CCDC138: variants seen among roughly 807,000 people sequenced by gnomAD.
CCDC138 encodes coiled-coil domain containing 138.
Under a neutral mutation model 82.3 loss-of-function variants are expected in CCDC138, and 66 were observed. The ratio of observed to expected loss-of-function variants is 0.80; its 90% confidence interval spans 0.66 to 0.98. The LOEUF (loss-of-function observed/expected upper bound fraction) is 0.98, where lower values mean the gene tolerates loss of function less well. CCDC138 is among the 50% of genes least tolerant of loss of function. The pLI, the probability that CCDC138 is intolerant of heterozygous loss-of-function variation, is 0.00. For missense variants in CCDC138, 816 were observed against 758.9 expected (o/e 1.08, Z -0.88); for synonymous variants, 297 against 265.4 (o/e 1.12, Z -1.16).
chr2:108,851,591 C>T (rs938884150), intron 12 of CCDC138, among the ~76,000 whole-genome samples: 1 of 151,552 alleles, frequency 6.6e-6, no homozygotes, highest in African/African-American at 2.4e-5. Flanking sequence ...GCGTGAGCCA[C>T]CGCGCCCGGC....
intron 13 of CCDC138, among the ~76,000 whole-genome samples, chr2:108,870,440 T>G (rs1158116965): frequency 6.6e-6 from 1 of 152,124 alleles, no homozygotes; most frequent in Non-Finnish European, 1.5e-5. Flanking sequence ...GGAAAGATAA[T>G]TTAGAGAAAT....
chr2:108,812,098 A>G (rs186375280), intron 7 of CCDC138, among the ~76,000 whole-genome samples: 1 of 152,282 alleles, frequency 6.6e-6, no homozygotes, highest in East Asian at 1.9e-4. Flanking sequence ...TCTCTACTTG[A>G]AAACTACAAA....
intron 13 of CCDC138, among the ~76,000 whole-genome samples, chr2:108,864,866 T>G (rs1245064734): frequency 6.6e-6 from 1 of 150,858 alleles, no homozygotes; most frequent in South Asian, 2.1e-4. Flanking sequence ...GAGGCTTTGG[T>G]GGGAGAATCA....
intron 12 of CCDC138, among the ~76,000 whole-genome samples, chr2:108,855,320 C>T (rs981351783): frequency 2.0e-5 from 3 of 151,946 alleles, no homozygotes; most frequent in African/African-American, 7.2e-5. Flanking sequence ...TAGTAGTCAG[C>T]CTATTTTTAA....
chr2:108,877,304 C>CAA (rs35164335), downstream of CCDC138, among the ~76,000 whole-genome samples: 160 of 149,464 alleles, frequency 1.1e-3, no homozygotes, highest in South Asian at 9.6e-3. Flanking sequence ...CCCGTCTCTA[C>CAA]AAAAAAAAAC....
At chr2:108,819,503 C>T (rs1163774561) in intron 10 of CCDC138, among the ~76,000 whole-genome samples, 6 of 152,122 alleles carry the variant, frequency 3.9e-5, no homozygotes, top group Non-Finnish European at 5.9e-5. Flanking sequence ...GTAAGAGCTG[C>T]GGAGATCTGC....
intron 1 of CCDC138, 67 bp from the exon 2 acceptor site, chr2:108,787,965 G>T: frequency 1.6e-6 from 2 of 1,267,950 alleles, no homozygotes; most frequent in East Asian, 2.7e-5. Flanking sequence ...ATAATTTGTG[G>T]GGAAATATTT....
In CCDC138 at chr2:108,849,182, GA is replaced by G. The variant is rs1338671942; in HGVS notation, c.1516+2260del. Among the ~76,000 whole-genome samples, 7 of 151,824 alleles carry G rather than the reference GA, an allele frequency of 4.6e-5. No individual in the cohort carries two copies. The East Asian group carries it at 1.4e-3, about 29-fold the overall frequency. On this transcript the variant is annotated intron_variant, in intron 12 of 14. Coordinates refer to ENST00000295124, the MANE Select transcript of CCDC138 (RefSeq NM_144978.3). The stretch of plus-strand genomic sequence containing the variant: ...AACTGTCCAAAATGAATTACACAGA[GA>G]AAAAAAATCTACAAAAAAGAAAACA...
At chr2:108,838,570 A>G (rs1688950682) in intron 10 of CCDC138, among the ~76,000 whole-genome samples, 1 of 152,142 alleles carries the variant, frequency 6.6e-6, no homozygotes, top group African/African-American at 2.4e-5. Flanking sequence ...ATATGTCTTT[A>G]TGGTCCTGAA....
chr2:108,829,757 G>A (rs1461840341), intron 10 of CCDC138, among the ~76,000 whole-genome samples: 1 of 152,066 alleles, frequency 6.6e-6, no homozygotes, highest in Non-Finnish European at 1.5e-5. Flanking sequence ...ACATACATAT[G>A]TACATATATA....
chr2:108,792,177 C>T (rs1427228120), intron 4 of CCDC138, among the ~76,000 whole-genome samples: 3 of 152,128 alleles, frequency 2.0e-5, no homozygotes, highest in Non-Finnish European at 4.4e-5. Context: ...ATAGTTGTGG[C>T]GGGATTTCAA....
chr2:108,799,213 T>G (rs1681472532), intron 6 of CCDC138, among the ~76,000 whole-genome samples: 1 of 152,210 alleles, frequency 6.6e-6, no homozygotes, highest in Non-Finnish European at 1.5e-5. Context: ...TTTGCCTGAT[T>G]GCTTCGTAAC....
chr2:108,790,146 A>G lies in CCDC138; in HGVS notation c.266+1180A>G, dbSNP rs373256913. On this transcript the variant is annotated intron_variant, in intron 3 of 14. Coordinates refer to ENST00000295124, the MANE Select transcript of CCDC138 (RefSeq NM_144978.3). ...AATAATAAGTACTCAAATGTTACCTATTATCATTATTATTACTATTTCATG... is the reference window on the plus strand; with the variant it reads ...AATAATAAGTACTCAAATGTTACCTGTTATCATTATTATTACTATTTCATG... 9.1e-4 allele frequency among the ~76,000 whole-genome samples: 139 copies of G among 152,316 alleles called. 1 individual carries two copies. In the South Asian group the frequency reaches 0.025, roughly 27 times the overall value.
chr2:108,870,467 T>C (rs768805108), intron 13 of CCDC138, among the ~76,000 whole-genome samples: 4 of 152,022 alleles, frequency 2.6e-5, no homozygotes, highest in Admixed American at 2.0e-4. Context: ...TGAAAACTTA[T>C]CAAATTTGAG....
intron 10 of CCDC138, among the ~76,000 whole-genome samples, chr2:108,824,169 AAT>A (rs1041251665): frequency 2.7e-4 from 15 of 54,974 alleles, no homozygotes; most frequent in East Asian, 3.4e-3. Flanking sequence ...TAGAAAAAAA[AAT>A]TTTTTCTTCA....
At chr2:108,798,169 G>A (rs531385535) in intron 5 of CCDC138, among the ~76,000 whole-genome samples, 1 of 152,210 alleles carries the variant, frequency 6.6e-6, no homozygotes, top group East Asian at 1.9e-4. Context: ...TCTGCATAGT[G>A]CTGATCCATT....
Position 108,861,472 on chromosome 2 carries a change from C to CTTTTTTTTTTTTT in CCDC138, c.1693+4516_1693+4528dup, listed in dbSNP as rs201132350. On this transcript the variant is annotated intron_variant, in intron 13 of 14. Transcript: ENST00000295124. ...ACATTTAGCACTATAAACTTTCTTCCTTTTTTTTTTTTTTTTTTTTTTTTT... is the reference window on the plus strand; with the variant it reads ...ACATTTAGCACTATAAACTTTCTTCCTTTTTTTTTTTTTTTTTTTTTTTTTTTTTTTTTTTTTT... Among the ~76,000 whole-genome samples, 25 of 123,520 alleles carry CTTTTTTTTTTTTT rather than the reference C, an allele frequency of 2.0e-4. 5 individuals are homozygous for CTTTTTTTTTTTTT. The highest frequency in any genetic ancestry group is 8.5e-4 in the African/African-American group (22 of 25,878). 81.0% of individuals were successfully genotyped at this position (123,520 alleles called of 152,430 possible). A position where few individuals can be genotyped will look rare whatever the true frequency, so the allele number is the denominator to read the frequency against.
At chr2:108,828,303 T>C (rs1261793064) in intron 10 of CCDC138, among the ~76,000 whole-genome samples, 1 of 152,166 alleles carries the variant, frequency 6.6e-6, no homozygotes. Flanking sequence ...ATGAAGACTA[T>C]AGATTTAATG....
chr2:108,821,838 C>T (rs968124726), intron 10 of CCDC138, among the ~76,000 whole-genome samples: 1 of 149,758 alleles, frequency 6.7e-6, no homozygotes, highest in Non-Finnish European at 1.5e-5. Flanking sequence ...CCAGCTACTC[C>T]AGAGGCTGAG....
Sources: allele counts gnomAD v4.1 joint callset (sites outside exome capture counted in the v4.1 genomes callset), GRCh38; gene constraint gnomAD v4.1.1; transcripts MANE v1.5; gene names NCBI Gene and HGNC (gene_info 2026-07-23, HGNC 2026-07-21).